CERT1: variants seen among roughly 807,000 people sequenced by gnomAD.
CERT1 encodes the protein ceramide transfer protein.
CERT1 carries 31 observed loss-of-function variants against 87.9 expected under a neutral mutation model. The ratio of observed to expected loss-of-function variants is 0.35; its 90% CI spans 0.27 to 0.48. CERT1 has a LOEUF of 0.48. CERT1 is among the 20% of genes least tolerant of loss of function. The pLI is 0.99. For synonymous variants in CERT1, 289 were observed against 250.9 expected, an observed-to-expected ratio of 1.15 and a Z score of -1.44; for missense variants, 487 against 758.0, an observed-to-expected ratio of 0.64 and a Z score of 4.20.
At chr5:75,477,647 TAAAAAAA>T (rs540588442) in intron 2 of CERT1, among the ~76,000 whole-genome samples, 1 of 89,522 alleles carries the variant, frequency 1.1e-5, no homozygotes, top group African/African-American at 4.3e-5. Flanking sequence ...TAATAAGTTG[TAAAAAAA>T]AAAAAAAAAA....
At chr5:75,387,484 G>T (rs957070242) in intron 12 of CERT1, among the ~76,000 whole-genome samples, 17 of 151,902 alleles carry the variant, frequency 1.1e-4, no homozygotes, top group African/African-American at 3.9e-4. Flanking sequence ...GCTCACACCT[G>T]TTATCCCAGC....
chr5:75,462,396 C>T lies in CERT1; in HGVS notation c.232-3215G>A, dbSNP rs570743482. 3.9e-5 allele frequency among the ~76,000 whole-genome samples: 6 copies of T among 152,248 alleles called. No individual in the cohort carries two copies. In the South Asian group the frequency reaches 8.3e-4, roughly 21 times the overall value. Reference sequence around the variant, plus strand: ...TAAGGAGCGTGCAACCTAGATCCCTCGCATAAATAGTTCACGATAGGGTTT... The same window carrying T: ...TAAGGAGCGTGCAACCTAGATCCCTTGCATAAATAGTTCACGATAGGGTTT... On this transcript the variant is annotated intron_variant, in intron 2 of 16. Transcript: ENST00000643780.
chr5:75,428,190 T>C (rs1763703523), intron 3 of CERT1, among the ~76,000 whole-genome samples: 1 of 152,182 alleles, frequency 6.6e-6, no homozygotes, highest in Non-Finnish European at 1.5e-5. Flanking sequence ...GTTTTATGTT[T>C]ATTTTTATGT....
intron 2 of CERT1, chr5:75,505,751 A>T: frequency 3.4e-6 from 1 of 296,582 alleles, no homozygotes; most frequent in Non-Finnish European, 6.1e-6. Context: ...TGAAGCCCTT[A>T]AACTGGTTTG....
chr5:75,403,168 AAC>A (rs1287740498), intron 8 of CERT1, 110 bp from the exon 9 acceptor site: 4 of 724,116 alleles, frequency 5.5e-6, no homozygotes, highest in African/African-American at 5.3e-5. Context: ...ACATTTATTG[AAC>A]ACATATTTAC....
intron 8 of CERT1, among the ~76,000 whole-genome samples, chr5:75,408,715 A>G (rs150325339): frequency 1.1e-4 from 16 of 152,290 alleles, no homozygotes; most frequent in African/African-American, 3.4e-4. Flanking sequence ...TAGAAGCCCA[A>G]TCTCTGCCAG....
chr5:75,412,146 C>T (rs1369165901), intron 7 of CERT1, among the ~76,000 whole-genome samples: 2 of 152,170 alleles, frequency 1.3e-5, no homozygotes, highest in African/African-American at 4.8e-5. Flanking sequence ...TTTATTTCCT[C>T]ATTTCAAATA....
At chr5:75,479,413 C>G (rs756639789) in intron 2 of CERT1, among the ~76,000 whole-genome samples, 16 of 151,960 alleles carry the variant, frequency 1.1e-4, no homozygotes, top group Non-Finnish European at 1.5e-4. Flanking sequence ...AACCCAGTAC[C>G]CAATAGTTAT....
intron 11 of CERT1, among the ~76,000 whole-genome samples, chr5:75,397,307 C>CAT (rs1232941845): frequency 1.3e-5 from 2 of 152,068 alleles, no homozygotes; most frequent in African/African-American, 2.4e-5. Flanking sequence ...TCATGAGCAC[C>CAT]ATATATTAGA....
At chr5:75,481,884 T>C (rs1265824207) in intron 2 of CERT1, among the ~76,000 whole-genome samples, 1 of 152,184 alleles carries the variant, frequency 6.6e-6, no homozygotes, top group Non-Finnish European at 1.5e-5. Flanking sequence ...TTTGTGGTTA[T>C]ATATGATCTC....
intron 2 of CERT1, among the ~76,000 whole-genome samples, chr5:75,468,287 C>T (rs1404962619): frequency 6.6e-6 from 1 of 152,064 alleles, no homozygotes; most frequent in Admixed American, 6.5e-5. Context: ...AAGAAAATAC[C>T]CATTGAAGAG....
At chr5:75,485,395 A>G (rs1360863364) in intron 2 of CERT1, among the ~76,000 whole-genome samples, 1 of 151,276 alleles carries the variant, frequency 6.6e-6, no homozygotes, top group Non-Finnish European at 1.5e-5. Context: ...ACTAAGAGGG[A>G]CATTTATATT....
At position 75,511,162 on chromosome 5, in the gene CERT1, G is replaced by A. The variant is rs1459061032; in HGVS notation, c.46C>T (p.Pro16Ser). ...ACAGGCGGCCCAGACTCCGTCTCTG[G>A]ATCCTCCTCCGAGCCCGACGAGTTC... ...SWNSSGSEEDPETESGPPVER... is the reference protein window; with the variant it reads ...SWNSSGSEEDSETESGPPVER... Residue 16 changes from proline to serine, a missense_variant, in exon 1 of 17, where the codon CCA becomes TCA. Pro to Ser is a moderately conservative substitution (Grantham distance 74). This residue lies in a region of CERT1 where 173 missense variants were observed against 302.2 expected (regional missense o/e 0.57). Coordinates refer to ENST00000643780, the MANE Select transcript of CERT1 (RefSeq NM_001379029.1). 1 of 1,611,788 alleles carries A rather than the reference G, an allele frequency of 6.2e-7. No individual in the cohort carries two copies. Among genetic ancestry groups the A allele is most frequent in the South Asian group, 1.1e-5 (1 of 90,900 alleles).
intron 2 of CERT1, among the ~76,000 whole-genome samples, chr5:75,466,705 G>C (rs1002832527): frequency 6.6e-6 from 1 of 152,118 alleles, no homozygotes; most frequent in African/African-American, 2.4e-5. Context: ...ACACCAGCAG[G>C]CAGCAACTTT....
chr5:75,439,221 C>G (rs1219566282), intron 3 of CERT1, among the ~76,000 whole-genome samples: 1 of 149,970 alleles, frequency 6.7e-6, no homozygotes, highest in Non-Finnish European at 1.5e-5. Context: ...AAAAAAAAGC[C>G]AAAAAACCTC....
intron 2 of CERT1, among the ~76,000 whole-genome samples, chr5:75,461,731 G>A (rs4704220): frequency 0.54 from 82,334 of 151,496 alleles, 25,508 homozygotes; most frequent in African/African-American, 0.86. Flanking sequence ...CTATGATCTG[G>A]AGCATAGGTG....
chr5:75,379,811 T>C (rs1580689550), intron 16 of CERT1, among the ~76,000 whole-genome samples: 2 of 152,138 alleles, frequency 1.3e-5, no homozygotes, highest in East Asian at 1.9e-4. Context: ...TCTCGAACTC[T>C]TGACCTCATG....
chr5:75,470,665 G>C (rs1422056425), intron 2 of CERT1, among the ~76,000 whole-genome samples: 1 of 152,144 alleles, frequency 6.6e-6, no homozygotes, highest in African/African-American at 2.4e-5. Flanking sequence ...ACACTGAACA[G>C]GGAAAAGTTG....
intron 2 of CERT1, among the ~76,000 whole-genome samples, chr5:75,496,554 A>G (rs749164978): frequency 1.3e-5 from 2 of 152,250 alleles, no homozygotes; most frequent in Non-Finnish European, 2.9e-5. Flanking sequence ...TTGTATCTCA[A>G]AACTGGAAAC....
Sources: gnomAD v4.1 joint callset for allele counts (sites outside exome capture counted in the v4.1 genomes callset) on GRCh38, gnomAD v4.1.1 for gene constraint, gnomAD v4.1.1 regional missense constraint, MANE v1.5 for transcripts, NCBI Gene and HGNC (gene_info 2026-07-23, HGNC 2026-07-21) for gene names.